LMF2: variants seen among roughly 807,000 people sequenced by gnomAD.
LMF2 encodes the protein transmembrane protein 112B.
Under a neutral mutation model 81.5 loss-of-function variants are expected in LMF2, and 113 were observed. The observed-to-expected ratio is 1.39, with a 90% CI of 1.19 to 1.62. The LOEUF (loss-of-function observed/expected upper bound fraction) is 1.62. LMF2 is among the 40% of genes most tolerant of loss of function. The pLI is 0.00. For missense variants in LMF2, 1,235 were observed against 929.1 expected (o/e 1.33, Z -4.28); for synonymous variants, 645 against 424.5 (o/e 1.52, Z -6.39).
rs772219064 is a variant in LMF2, at chr22:50,506,807, C to A, written c.323G>T (p.Trp108Leu). Residue 108 changes from tryptophan to leucine, a missense_variant, in exon 2 of 14, where the codon TGG becomes TTG. Coordinates refer to ENST00000474879, the MANE Select transcript of LMF2 (RefSeq NM_033200.3). ...LRHPVIYLLL[W>L]AAYLSACQVG... ...CTGGCAGGCTGACAGGTAGGCGGCC[C>A]AAAGCAGCAAGTAGATGACAGGGTG... 16 of 1,611,810 alleles carry A rather than the reference C, an allele frequency of 9.9e-6. No homozygotes were observed. The highest frequency in any genetic ancestry group is 1.6e-4 in the Middle Eastern group (1 of 6,064).
At position 50,507,676 on chromosome 22, in the gene LMF2, G is replaced by A; in HGVS notation, c.-1C>T. Reference sequence around the variant, plus strand: ...GCCGCGGGAGCCGGGAGCCCGCCATGTCCGCTACGCGGCCCGCTAGAGCAG... The same window carrying A: ...GCCGCGGGAGCCGGGAGCCCGCCATATCCGCTACGCGGCCCGCTAGAGCAG... On this transcript the variant is annotated 5_prime_UTR_variant, in exon 1 of 14. Transcript: ENST00000474879. 4 of 1,549,612 alleles carry A rather than the reference G, an allele frequency of 2.6e-6. No individual in the cohort carries two copies. The highest frequency in any genetic ancestry group is 2.6e-6 in the Non-Finnish European group (3 of 1,146,856).
Position 50,505,437 on chromosome 22 carries a change from A to C in LMF2, c.1017T>G (p.Val339=), listed in dbSNP as rs141737208. ...YGTVHYFGLE[V]DWQQRTIHSR... ...AGTGGATGGTGCGCTGCTGCCAGTC[A>C]ACCTCCAGGCCAAAGTAGTGCACAG... is the stretch of plus-strand genomic sequence containing the variant. Residue 339 remains valine (V), a synonymous_variant, in exon 7 of 14, where the codon GTT becomes GTG. Coordinates refer to ENST00000474879, the MANE Select transcript of LMF2 (RefSeq NM_033200.3). 2.4e-4 allele frequency: 381 copies of C among 1,612,956 alleles called. 2 individuals are homozygous for C. The highest frequency in any genetic ancestry group is 4.8e-5 in the Non-Finnish European group (57 of 1,180,030).
Position 50,504,661 on chromosome 22 carries a change from G to T in LMF2, c.1504C>A (p.Pro502Thr). 2 of 1,609,004 alleles carry T rather than the reference G, an allele frequency of 1.2e-6. No homozygotes were observed. ...RPPPVVVPHQ[P>T]RLDWQMWFAA... is the part of the protein sequence containing the mutation. ...AACCACATCTGCCAGTCCAGGCGTG[G>T]CTGGTGGGGCACCACAACCGGGGGC... is the stretch of plus-strand genomic sequence containing the variant. The change falls in exon 11 of 14, where the codon CCA becomes ACA. Residue 502 changes from proline to threonine, a missense_variant. Pro to Thr is a conservative substitution (Grantham distance 38, BLOSUM62 -1). Transcript: ENST00000474879.
In LMF2 at chr22:50,505,728, C is replaced by T. The variant is rs369404627; in HGVS notation, c.862G>A (p.Asp288Asn). 1.1e-4 allele frequency: 178 copies of T among 1,612,912 alleles called. No individual in the cohort carries two copies. Among genetic ancestry groups the T allele is most frequent in the Non-Finnish European group, 1.4e-4 (163 of 1,179,962 alleles). Residue 288 changes from aspartate (D) to asparagine (N), a missense_variant, in exon 6 of 14, where the codon GAC (aspartate) becomes AAC (asparagine). By Grantham distance (23) the Asp-to-Asn change is conservative. Coordinates refer to ENST00000474879, the MANE Select transcript of LMF2 (RefSeq NM_033200.3). ...CCAGGCTCAGCAGCCAGGTGCTGGT[C>T]GTCCAGCAGCGCAGTGGTAAGCACC... ...TLVLTTALLD[D>N]QHLAAEPGHG...
Position 50,506,400 on chromosome 22 carries a change from G to A in LMF2, c.480C>T (p.Ala160=), listed in dbSNP as rs1238813458. ...KEAPQGRQAG[A]LPHEDLPFWL... ...AGAAGGGGAGGTCTTCGTGGGGCAG[G>A]GCCCCTGCCTGCCTGCCCTGGGGGG... The change falls in exon 4 of 14, where the codon GCC becomes GCT. Residue 160 remains alanine (A), a synonymous_variant. Coordinates refer to ENST00000474879, the MANE Select transcript of LMF2 (RefSeq NM_033200.3). 6 of 1,550,110 alleles carry A rather than the reference G, an allele frequency of 3.9e-6. No individual in the cohort carries two copies. Among genetic ancestry groups the A allele is most frequent in the Non-Finnish European group, 5.2e-6 (6 of 1,147,514 alleles).
chr22:50,506,004 C>A, intron 5 of LMF2, 31 bp downstream of exon 5: 1 of 1,568,906 alleles, frequency 6.4e-7, no homozygotes, highest in Non-Finnish European at 8.7e-7. Context: ...GCCCTGTCTG[C>A]CTCTCTCTGA....
chr22:50,506,169 CG>C lies in LMF2; in HGVS notation c.639del (p.Ala214ProfsTer21). On this transcript the variant is annotated frameshift_variant, in exon 5 of 14. Transcript: ENST00000474879. LOFTEE classifies it high-confidence loss of function. The stretch of plus-strand genomic sequence containing the variant: ...ACCGGCAGGTGGTGTGCGAACCAGG[CG>C]GCGGGCGTGGGCAGGCACTGGGTCT... The part of the protein sequence containing the change: ...HYETQCLPTP[A>X]AWFAHHLPVW... 6.4e-7 allele frequency: 1 copy of C among 1,565,128 alleles called. No individual in the cohort carries two copies. Among genetic ancestry groups the C allele is most frequent in the Non-Finnish European group, 8.7e-7 (1 of 1,154,908 alleles).
intron 2 of LMF2, 56 bp from the exon 3 acceptor site, chr22:50,506,722 G>T (rs1487830769): frequency 1.2e-6 from 2 of 1,613,126 alleles, no homozygotes; most frequent in South Asian, 2.2e-5. Flanking sequence ...AGGTAAGGTA[G>T]AGGCAGGGGT....
rs1408281845 is a variant in LMF2 at position 50,503,260 on chromosome 22, G to A, written c.*131C>T. ...TCAATGCAGCACCCTGCAAACCCCA[G>A]GGGCAGCCCCCCAACCTGTGCCTGG... On this transcript the variant is annotated 3_prime_UTR_variant, in exon 14 of 14. Transcript: ENST00000474879. The A allele has an allele frequency of 7.0e-6, 7 of 994,914 alleles. No homozygotes were observed. The Admixed American group carries it at 1.5e-4, about 21-fold the overall frequency. The allele number at this position is 994,914 out of a possible 1,614,324, so 61.6% of individuals were successfully genotyped here.
In LMF2 at chr22:50,504,633, G is replaced by A; in HGVS notation, c.1532C>T (p.Ala511Val). ...QPRLDWQMWF[A>V]ALGPHTHSPW... ...GCTGTGCGTGTGTGGGCCCAGGGCT[G>A]CAAACCACATCTGCCAGTCCAGGCG... Residue 511 changes from alanine (A) to valine (V), a missense_variant, in exon 11 of 14, where the codon GCA becomes GTA. Coordinates refer to ENST00000474879, the MANE Select transcript of LMF2 (RefSeq NM_033200.3). The A allele has an allele frequency of 6.2e-7, 1 of 1,608,016 alleles. No individual in the cohort carries two copies. The highest frequency in any genetic ancestry group is 8.5e-7 in the Non-Finnish European group (1 of 1,179,262).
intron 3 of LMF2, 61 bp from the exon 4 acceptor site, chr22:50,506,563 T>A: frequency 6.3e-7 from 1 of 1,586,160 alleles, no homozygotes; most frequent in Admixed American, 1.7e-5. Context: ...CCTCGGAAAG[T>A]CCTCCCAGGA....
rs766097097 is a variant in LMF2 at position 50,505,182 on chromosome 22, C to A, written c.1158-29G>T. 19 of 1,612,618 alleles carry A rather than the reference C, an allele frequency of 1.2e-5. No individual in the cohort carries two copies. In the South Asian group the frequency reaches 2.0e-4, roughly 17 times the overall value. On this transcript the variant is annotated intron_variant, in intron 8 of 13. Transcript: ENST00000474879. ...TGGGCAAGGACCCAAGGTCGTCAGGCCGGCCCTGCACACCTGTGCCCCCTC... is the reference window on the plus strand; with the variant it reads ...TGGGCAAGGACCCAAGGTCGTCAGGACGGCCCTGCACACCTGTGCCCCCTC...
intron 1 of LMF2, 40 bp from the exon 2 acceptor site, chr22:50,507,075 T>TA (rs1351497607): frequency 6.4e-7 from 1 of 1,553,940 alleles, no homozygotes; most frequent in African/African-American, 1.4e-5. Context: ...TGGACAGCCC[T>TA]TGCAGACTAG....
In LMF2 at chr22:50,503,347, C is replaced by A. The variant is rs1198021398; in HGVS notation, c.*44G>T. ...TGTCCTGCCGGAGGCCAGAGCACTC[C>A]CGGCGACCTGGCCCTCTCAGGACGT... On this transcript the variant is annotated 3_prime_UTR_variant, in exon 14 of 14. Transcript: ENST00000474879. The A allele has an allele frequency of 3.1e-6, 5 of 1,600,152 alleles. No individual in the cohort carries two copies. The Admixed American group carries it at 8.7e-5, about 28-fold the overall frequency.
rs756193591 is a variant in LMF2, at chr22:50,505,388, C to A, written c.1051+15G>T. On this transcript the variant is annotated intron_variant, in intron 7 of 13. Transcript: ENST00000474879. ...GTCCGCCCCTGCCCTCTGGCCCCCCCAGGTCGGCACTCACTGGTTCTGGAG... is the reference window on the plus strand; with the variant it reads ...GTCCGCCCCTGCCCTCTGGCCCCCCAAGGTCGGCACTCACTGGTTCTGGAG... 11 of 1,613,256 alleles carry A rather than the reference C, an allele frequency of 6.8e-6. No individual in the cohort carries two copies. In the Middle Eastern group the frequency reaches 4.9e-4, roughly 73 times the overall value.
At chr22:50,505,840 T>TC in intron 5 of LMF2, 25 bp from the exon 6 acceptor site, 2 of 1,611,328 alleles carry the variant, frequency 1.2e-6, no homozygotes, top group African/African-American at 2.7e-5. Context: ...CTCTCAGTGC[T>TC]CCCGGAGACT....
chr22:50,506,528 G>A (rs765925145), intron 3 of LMF2, 26 bp from the exon 4 acceptor site: 1 of 1,566,922 alleles, frequency 6.4e-7, no homozygotes, highest in East Asian at 2.3e-5. Context: ...ATAGCACCAA[G>A]AGCCCCTCCC....
In LMF2 at chr22:50,504,433, C is replaced by A. The variant is rs143227882; in HGVS notation, c.1625G>T (p.Ser542Ile). ...GKEPVIRLVQ[S>I]QVARYPFHKQ... is the part of the protein sequence containing the mutation. ...GTGGAAGGGATACCTGGCCACTTGG[C>A]TCTGGACAAGGCGGATCACTGCAGC... Residue 542 changes from serine to isoleucine, a missense_variant, in exon 12 of 14, where the codon AGC (serine) becomes ATC (isoleucine). Coordinates refer to ENST00000474879, the MANE Select transcript of LMF2 (RefSeq NM_033200.3). The A allele has an allele frequency of 2.9e-5, 47 of 1,612,060 alleles. 1 individual carries two copies. The South Asian group carries it at 4.8e-4, about 17-fold the overall frequency.
In LMF2 at chr22:50,506,170, G is replaced by A. The variant is rs776918016; in HGVS notation, c.639C>T (p.Ala213=). The A allele has an allele frequency of 1.3e-5, 21 of 1,563,940 alleles. No homozygotes were observed. The East Asian group carries it at 1.9e-4, about 14-fold the overall frequency. Reference sequence around the variant, plus strand: ...CCGGCAGGTGGTGTGCGAACCAGGCGGCGGGCGTGGGCAGGCACTGGGTCT... The same window carrying A: ...CCGGCAGGTGGTGTGCGAACCAGGCAGCGGGCGTGGGCAGGCACTGGGTCT... ...HYETQCLPTP[A]AWFAHHLPVW... is the part of the protein sequence containing the mutation. The change falls in exon 5 of 14, where the codon GCC becomes GCT. Residue 213 remains alanine (A), a synonymous_variant. Coordinates refer to ENST00000474879, the MANE Select transcript of LMF2 (RefSeq NM_033200.3).
Sources: allele counts gnomAD v4.1 joint callset, GRCh38; gene constraint gnomAD v4.1.1; transcripts MANE v1.5; gene names NCBI Gene and HGNC (gene_info 2026-07-23, HGNC 2026-07-21).